The following MAGI1 variants were observed in gnomAD, a reference collection of about 807,000 sequenced individuals.
The protein encoded by MAGI1 is membrane associated guanylate kinase, WW and PDZ domain containing 1, also known as membrane-associated guanylate kinase, WW and PDZ domain-containing protein 1.
A neutral mutation model predicts 139.9 loss-of-function variants in MAGI1; 58 were observed. The ratio of observed to expected loss-of-function variants is 0.41; its 90% CI spans 0.34 to 0.52. The LOEUF (loss-of-function observed/expected upper bound fraction) is 0.52. MAGI1 is among the 20% of genes least tolerant of loss of function. The pLI, the probability that MAGI1 is intolerant of heterozygous loss-of-function variation, is 0.12. For synonymous variants in MAGI1, 812 were observed against 737.9 expected, an observed-to-expected ratio of 1.10 and a Z score of -1.63; for missense variants, 1,874 against 1,901.6, an observed-to-expected ratio of 0.99 and a Z score of 0.27.
At chr3:65,928,998 A>G (rs905391535) in intron 1 of MAGI1, among the ~76,000 whole-genome samples, 3 of 151,942 alleles carry the variant, frequency 2.0e-5, no homozygotes, top group Admixed American at 6.6e-5. Flanking sequence ...TTTAATGAAA[A>G]AAGCAGGCCC....
intron 1 of MAGI1, among the ~76,000 whole-genome samples, chr3:65,994,453 C>G (rs1331185791): frequency 1.3e-5 from 2 of 152,268 alleles, no homozygotes; most frequent in South Asian, 2.1e-4. Flanking sequence ...CTGAGGTAGA[C>G]AGGCAACCCA....
chr3:65,587,826 G>A (rs551606570), intron 2 of MAGI1, among the ~76,000 whole-genome samples: 40 of 152,000 alleles, frequency 2.6e-4, no homozygotes, highest in Non-Finnish European at 4.7e-4. Context: ...TAACTCGACC[G>A]ACCAGCTGTA....
intron 1 of MAGI1, among the ~76,000 whole-genome samples, chr3:65,839,898 T>G (rs1324048976): frequency 6.6e-6 from 1 of 152,244 alleles, no homozygotes; most frequent in Non-Finnish European, 1.5e-5. Flanking sequence ...ATATATGCAA[T>G]GAGGTATCTC....
chr3:65,564,686 A>T (rs1426215318), intron 2 of MAGI1, among the ~76,000 whole-genome samples: 1 of 152,214 alleles, frequency 6.6e-6, no homozygotes, highest in Non-Finnish European at 1.5e-5. Context: ...ATAGCAACGG[A>T]AAGATTTATT....
chr3:65,739,440 G>A lies in MAGI1; in HGVS notation c.314-117352C>T, dbSNP rs947494483. Among the ~76,000 whole-genome samples, 4 of 152,130 alleles carry A rather than the reference G, an allele frequency of 2.6e-5. No homozygotes were observed. The South Asian group carries it at 6.2e-4, about 24-fold the overall frequency. On this transcript the variant is annotated intron_variant, in intron 1 of 22. Coordinates refer to ENST00000402939, the MANE Select transcript of MAGI1 (RefSeq NM_001033057.2). ...TGTTGCACTTTCTTGCCATTCGTGT[G>A]CTTACTGGAATAGCCCTTTTAATTT...
intron 1 of MAGI1, among the ~76,000 whole-genome samples, chr3:65,628,719 A>G (rs76493021): frequency 0.052 from 7,947 of 152,264 alleles, 422 homozygotes; most frequent in African/African-American, 0.13. Flanking sequence ...CCACCTTAGC[A>G]TTCCATCCAG....
At chr3:66,010,555 A>C (rs2067273704) in intron 1 of MAGI1, among the ~76,000 whole-genome samples, 1 of 152,208 alleles carries the variant, frequency 6.6e-6, no homozygotes, top group African/African-American at 2.4e-5. Flanking sequence ...GAGGCTGAAA[A>C]CAAGCACACT....
intron 12 of MAGI1, among the ~76,000 whole-genome samples, chr3:65,424,673 T>G (rs1946877673): frequency 1.3e-5 from 2 of 152,136 alleles, no homozygotes; most frequent in Non-Finnish European, 2.9e-5. Context: ...GAAATGGACC[T>G]TAGGGAAGAC....
At chr3:65,543,097 T>C (rs1196982126) in intron 2 of MAGI1, among the ~76,000 whole-genome samples, 3 of 150,230 alleles carry the variant, frequency 2.0e-5, no homozygotes, top group African/African-American at 4.9e-5. Flanking sequence ...AGGCAAAGGA[T>C]ATGAACAGAC....
intron 2 of MAGI1, among the ~76,000 whole-genome samples, chr3:65,516,777 G>C (rs2077908934): frequency 7.5e-6 from 1 of 133,482 alleles, no homozygotes; most frequent in East Asian, 2.3e-4. Context: ...GCCCAGGCTG[G>C]AGTGCAGTGG....
chr3:65,960,532 G>T (rs1475295933), intron 1 of MAGI1, among the ~76,000 whole-genome samples: 2 of 152,152 alleles, frequency 1.3e-5, no homozygotes, highest in African/African-American at 4.8e-5. Flanking sequence ...GGATGTCACT[G>T]GTCCCTGTGG....
chr3:65,666,854 T>G (rs1275726782), intron 1 of MAGI1, among the ~76,000 whole-genome samples: 2 of 152,198 alleles, frequency 1.3e-5, no homozygotes, highest in Non-Finnish European at 2.9e-5. Flanking sequence ...ATTCCACAGC[T>G]GCACCCTTTG....
At chr3:65,591,406 A>G (rs1224216772) in intron 2 of MAGI1, among the ~76,000 whole-genome samples, 3 of 152,126 alleles carry the variant, frequency 2.0e-5, no homozygotes, top group African/African-American at 7.2e-5. Context: ...AAATATATAT[A>G]ACCACTTTGT....
intron 1 of MAGI1, among the ~76,000 whole-genome samples, chr3:65,850,318 A>G (rs767577404): frequency 4.1e-4 from 62 of 152,264 alleles, no homozygotes; most frequent in Non-Finnish European, 7.2e-4. Flanking sequence ...TTAGTATGGA[A>G]AAACCTGGAA....
chr3:65,429,814 G>A lies in MAGI1; in HGVS notation c.1873C>T (p.Pro625Ser). Residue 625 changes from proline to serine, a missense_variant, in exon 12 of 23, where the codon CCT (proline) becomes TCT (serine). By Grantham distance (74) the Pro-to-Ser change is moderately conservative. This residue lies in a region of MAGI1 where 482 missense variants were observed against 509.6 expected (regional missense o/e 0.95). Transcript: ENST00000402939. ...GAAGCCAAAGAAACAGTGTCATTAG[G>A]ATAACCATGAGAACTATTTGAAGCC... Reference protein sequence around the residue: ...DVASNSSHGYPNDTVSLASSI... With the variant: ...DVASNSSHGYSNDTVSLASSI... 1 of 1,613,970 alleles carries A rather than the reference G, an allele frequency of 6.2e-7. No homozygotes were observed. Among genetic ancestry groups the A allele is most frequent in the South Asian group, 1.1e-5 (1 of 91,082 alleles).
chr3:65,977,738 A>AG (rs1159845871), intron 1 of MAGI1, among the ~76,000 whole-genome samples: 1 of 151,872 alleles, frequency 6.6e-6, no homozygotes, highest in East Asian at 1.9e-4. Flanking sequence ...AAAAAAAAAA[A>AG]GAAACCTCAT....
rs1158348057 is a variant in MAGI1, at chr3:66,038,174, T to G, written c.135A>C (p.Gly45=). The G allele has an allele frequency of 3.7e-6, 6 of 1,611,856 alleles. No individual in the cohort carries two copies. In the African/African-American group the frequency reaches 4.0e-5, roughly 11 times the overall value. Residue 45 remains glycine (G), a synonymous_variant, in exon 1 of 23, where the codon GGA becomes GGC. Transcript: ENST00000402939. ...GAEHGEFPYV[G]AVAAVEAAGL... is the part of the protein sequence containing the mutation. ...CCGCTGCCTCGACCGCCGCCACCGC[T>G]CCGACGTACGGAAACTCCCCGTGCT...
At chr3:65,891,072 G>A (rs998495625) in intron 1 of MAGI1, among the ~76,000 whole-genome samples, 1 of 151,896 alleles carries the variant, frequency 6.6e-6, no homozygotes, top group Non-Finnish European at 1.5e-5. Flanking sequence ...AATTAGCCAG[G>A]CACGGTGGCA....
chr3:65,648,534 C>T (rs1365486599), intron 1 of MAGI1, among the ~76,000 whole-genome samples: 1 of 152,132 alleles, frequency 6.6e-6, no homozygotes, highest in Non-Finnish European at 1.5e-5. Context: ...TACTTGTTTA[C>T]TGAAAACTAG....
Sources: allele counts gnomAD v4.1 joint callset (sites outside exome capture counted in the v4.1 genomes callset), GRCh38; gene constraint gnomAD v4.1.1; regional missense constraint gnomAD v4.1.1; transcripts MANE v1.5; gene names NCBI Gene and HGNC (gene_info 2026-07-23, HGNC 2026-07-21).